CILK1: variants seen among roughly 807,000 people sequenced by gnomAD.
The protein encoded by CILK1 is ciliogenesis associated kinase 1, also known as serine/threonine-protein kinase ICK.
Under a neutral mutation model 79.2 loss-of-function variants are expected in CILK1, and 47 were observed. The observed-to-expected ratio is 0.59, with a 90% CI of 0.47 to 0.76. CILK1 has a LOEUF of 0.76. Ranked by LOEUF, CILK1 falls within the 30% of genes least tolerant of loss-of-function variation. The probability of loss-of-function intolerance (pLI) is 0.00; values close to 1 mark genes in which losing one functional copy is unlikely to be tolerated. For missense variants in CILK1, 660 were observed against 769.5 expected (o/e 0.86, Z 1.68); for synonymous variants, 266 against 275.9 (o/e 0.96, Z 0.36).
chr6:53,013,440 T>C (rs146943403), intron 9 of CILK1, among the ~76,000 whole-genome samples: 270 of 152,318 alleles, frequency 1.8e-3, no homozygotes, highest in African/African-American at 6.2e-3. Context: ...CACTACCCTA[T>C]AGCTGCCTCC....
At chr6:53,053,062 A>AC (rs558375536) in intron 1 of CILK1, among the ~76,000 whole-genome samples, 19 of 151,804 alleles carry the variant, frequency 1.3e-4, no homozygotes, top group Non-Finnish European at 2.2e-4. Context: ...GAAAAAAAAA[A>AC]AAACCTTATA....
chr6:53,005,553 G>A (rs962158592), intron 13 of CILK1, among the ~76,000 whole-genome samples: 2 of 151,966 alleles, frequency 1.3e-5, no homozygotes, highest in Non-Finnish European at 2.9e-5. Context: ...TATCCTATTA[G>A]TTCTACCTTC....
At position 53,004,358 on chromosome 6, in the gene CILK1, T is replaced by C. The variant is rs1333871957; in HGVS notation, c.*791A>G. ...CCTTTTGAAGCAGAAATCTCTTTTA[T>C]TGGTACACATACAACTTGATTTCAA... On this transcript the variant is annotated 3_prime_UTR_variant, in exon 14 of 14. Transcript: ENST00000676107. 1 of 152,206 alleles carries C rather than the reference T, an allele frequency of 6.6e-6. No homozygotes were observed. The highest frequency in any genetic ancestry group is 1.5e-5 in the Non-Finnish European group (1 of 68,032). The allele number at this position is 152,206 out of a possible 1,614,324, so 9.4% of individuals were successfully genotyped here.
intron 7 of CILK1, 50 bp from the exon 8 acceptor site, chr6:53,016,300 T>C: frequency 6.3e-7 from 1 of 1,595,020 alleles, no homozygotes; most frequent in Non-Finnish European, 8.6e-7. Flanking sequence ...TGCTGTGATA[T>C]AAGTTTGTAT....
intron 4 of CILK1, among the ~76,000 whole-genome samples, chr6:53,031,985 C>A (rs9463857): frequency 0.024 from 3,675 of 152,304 alleles, 153 homozygotes; most frequent in African/African-American, 0.084. Flanking sequence ...AGGCATGCCC[C>A]ACCATGCCCG....
At position 53,018,368 on chromosome 6, in the gene CILK1, T is replaced by C. The variant is rs1765014059; in HGVS notation, c.625A>G (p.Ile209Val). 2.5e-6 allele frequency: 4 copies of C among 1,614,192 alleles called. No individual in the cohort carries two copies. Among genetic ancestry groups the C allele is most frequent in the Non-Finnish European group, 3.4e-6 (4 of 1,180,030 alleles). The change falls in exon 7 of 14, where the codon ATA (isoleucine) becomes GTA (valine). Residue 209 changes from isoleucine to valine, a missense_variant. Coordinates refer to ENST00000676107, the MANE Select transcript of CILK1 (RefSeq NM_014920.5). ...CCCAGCACTTGGCAAATTTTGAATA[T>C]TGTGTCAATTTCACTGGCTCCAGGG... Reference protein sequence around the residue: ...LFPGASEIDTIFKICQVLGTP... With the variant: ...LFPGASEIDTVFKICQVLGTP...
chr6:53,040,894 T>C (rs1766660725), intron 2 of CILK1, among the ~76,000 whole-genome samples: 1 of 152,160 alleles, frequency 6.6e-6, no homozygotes, highest in Admixed American at 6.5e-5. Flanking sequence ...TACCTCACAA[T>C]AAGAGAAAAC....
chr6:53,028,688 T>G (rs960658041), intron 5 of CILK1, among the ~76,000 whole-genome samples: 16 of 152,178 alleles, frequency 1.1e-4, no homozygotes, highest in African/African-American at 3.9e-4. Flanking sequence ...GGTCCAACCT[T>G]CTCCATAAAC....
rs1764037413 is a variant in CILK1 at position 53,003,448 on chromosome 6, A to G, written c.*1701T>C. 6.6e-6 allele frequency: 1 copy of G among 152,224 alleles called. No individual in the cohort carries two copies. Among genetic ancestry groups the G allele is most frequent in the African/African-American group, 2.4e-5 (1 of 41,462 alleles). The allele number at this position is 152,224 out of a possible 1,614,324, so 9.4% of individuals were successfully genotyped here. A position where few individuals can be genotyped will look rare whatever the true frequency, so the allele number is the denominator to read the frequency against. ...TCACCTATCATTTTAACCTATAAAA[A>G]TGATCACTTGGCTGGGTGCAGTGGC... On this transcript the variant is annotated 3_prime_UTR_variant, in exon 14 of 14. Coordinates refer to ENST00000676107, the MANE Select transcript of CILK1 (RefSeq NM_014920.5).
chr6:53,032,545 A>G lies in CILK1; in HGVS notation c.266T>C (p.Leu89Pro). ...GACCAAACTGTACCTCTCTTTAATG[A>G]GCTGGTAAAGATTTTCCTTCATGTA... Reference protein sequence around the residue: ...FEYMKENLYQLIKERNKLFPE... With the variant: ...FEYMKENLYQPIKERNKLFPE... The change falls in exon 4 of 14, where the codon CTC (leucine) becomes CCC (proline). Residue 89 changes from leucine to proline, a missense_variant. Coordinates refer to ENST00000676107, the MANE Select transcript of CILK1 (RefSeq NM_014920.5). 1.2e-6 allele frequency: 2 copies of G among 1,605,960 alleles called. No individual in the cohort carries two copies. The highest frequency in any genetic ancestry group is 1.1e-5 in the South Asian group (1 of 90,214).
chr6:53,030,755 C>G (rs1228554839), intron 5 of CILK1, among the ~76,000 whole-genome samples: 1 of 152,122 alleles, frequency 6.6e-6, no homozygotes, highest in Non-Finnish European at 1.5e-5. Context: ...ATACATGAAA[C>G]TGCTCAGAAT....
Position 53,054,522 on chromosome 6 carries a change from C to G in CILK1, c.-173+7074G>C, listed in dbSNP as rs1166294803. ...CAAAACAAAGATAAACTGTTGGGCC[C>G]AACTAAAAGTTCTGAAGTTCTGAAG... is the stretch of plus-strand genomic sequence containing the variant. On this transcript the variant is annotated intron_variant, in intron 1 of 13. Transcript: ENST00000676107. The G allele has an allele frequency of 2.6e-5, 4 of 152,224 alleles. No homozygotes were observed. The East Asian group carries it at 7.7e-4, about 29-fold the overall frequency. 9.4% of individuals were successfully genotyped at this position (152,224 alleles called of 1,614,324 possible).
intron 2 of CILK1, among the ~76,000 whole-genome samples, chr6:53,039,399 G>A (rs760924665): frequency 6.6e-6 from 1 of 152,202 alleles, no homozygotes; most frequent in Non-Finnish European, 1.5e-5. Context: ...GTCTTGGTTT[G>A]GATTCCTCCA....
At chr6:53,018,831 A>C (rs1765048611) in intron 6 of CILK1, among the ~76,000 whole-genome samples, 1 of 152,126 alleles carries the variant, frequency 6.6e-6, no homozygotes. Flanking sequence ...AGAGGGAGGA[A>C]AAAACCTACA....
At chr6:53,009,609 GA>G in intron 11 of CILK1, 42 bp from the exon 12 acceptor site, 1 of 1,504,606 alleles carries the variant, frequency 6.6e-7, no homozygotes, top group Non-Finnish European at 9.2e-7. Context: ...AATACACAAT[GA>G]ATCTTACACT....
intron 8 of CILK1, 105 bp downstream of exon 8, chr6:53,015,978 T>C: frequency 8.7e-7 from 1 of 1,149,318 alleles, no homozygotes; most frequent in Non-Finnish European, 1.3e-6. Context: ...TGGTATTCTG[T>C]ACTATTTCTC....
At chr6:53,038,015 A>G in intron 2 of CILK1, 22 bp from the exon 3 acceptor site, 1 of 1,520,366 alleles carries the variant, frequency 6.6e-7, no homozygotes, top group Non-Finnish European at 9.1e-7. Flanking sequence ...GAAAGAAACA[A>G]ACAGCACACT....
intron 5 of CILK1, among the ~76,000 whole-genome samples, chr6:53,026,479 T>C (rs1466248452): frequency 2.0e-5 from 3 of 152,208 alleles, no homozygotes; most frequent in African/African-American, 7.2e-5. Context: ...GCTTGCACAT[T>C]AATACCTTGC....
At chr6:53,047,448 GGT>G (rs1213939545) in intron 1 of CILK1, among the ~76,000 whole-genome samples, 7 of 147,300 alleles carry the variant, frequency 4.8e-5, no homozygotes. Context: ...GGGAGTACTT[GGT>G]GTACACTACC....
Sources: gnomAD v4.1 joint callset for allele counts (sites outside exome capture counted in the v4.1 genomes callset) on GRCh38, gnomAD v4.1.1 for gene constraint, MANE v1.5 for transcripts, NCBI Gene and HGNC (gene_info 2026-07-23, HGNC 2026-07-21) for gene names.